The following EXT1 variants were observed in gnomAD, a reference collection of about 807,000 sequenced individuals.
EXT1 encodes exostosin-1.
Under a neutral mutation model 82.5 loss-of-function variants are expected in EXT1, and 20 were observed. The observed-to-expected ratio is 0.24, with a 90% CI of 0.17 to 0.35. EXT1 has a LOEUF of 0.35. EXT1 is among the 10% of genes least tolerant of loss of function. The pLI, the probability that EXT1 is intolerant of heterozygous loss-of-function variation, is 1.00. For missense variants in EXT1, 757 were observed against 936.5 expected, an observed-to-expected ratio of 0.81 and a Z score of 2.50; for synonymous variants, 348 against 350.8, an observed-to-expected ratio of 0.99 and a Z score of 0.09.
chr8:117,959,940 A>G (rs59628055), intron 1 of EXT1, among the ~76,000 whole-genome samples: 9,317 of 152,284 alleles, frequency 0.061, 639 homozygotes, highest in African/African-American at 0.17. Flanking sequence ...CAGGCCGGTC[A>G]TGGTTGCTCA....
chr8:118,032,156 G>A (rs73325947), intron 1 of EXT1, among the ~76,000 whole-genome samples: 63,385 of 143,368 alleles, frequency 0.44, 14,230 homozygotes, highest in Middle Eastern at 0.54. Context: ...CTTTTGCACC[G>A]ACCTAATAAA....
At chr8:118,064,821 T>G (rs932084177) in intron 1 of EXT1, among the ~76,000 whole-genome samples, 1 of 151,870 alleles carries the variant, frequency 6.6e-6, no homozygotes, top group Admixed American at 6.6e-5. Flanking sequence ...CGTATTTCTC[T>G]ACATCTTCTT....
At chr8:117,858,555 G>A (rs1397214596) in intron 1 of EXT1, among the ~76,000 whole-genome samples, 3 of 151,996 alleles carry the variant, frequency 2.0e-5, no homozygotes, top group Non-Finnish European at 2.9e-5. Context: ...GCCTATGCCT[G>A]TAGTTCCAGC....
At chr8:117,871,648 C>T (rs1469649597) in intron 1 of EXT1, among the ~76,000 whole-genome samples, 1 of 152,096 alleles carries the variant, frequency 6.6e-6, no homozygotes, top group Non-Finnish European at 1.5e-5. Flanking sequence ...CACTTCTATT[C>T]CCTAATGAGA....
chr8:118,033,445 G>A (rs1364578216), intron 1 of EXT1, among the ~76,000 whole-genome samples: 1 of 152,128 alleles, frequency 6.6e-6, no homozygotes, highest in Non-Finnish European at 1.5e-5. Context: ...AGGACTCTAA[G>A]TAACTATTCC....
intron 1 of EXT1, among the ~76,000 whole-genome samples, chr8:118,015,805 C>T (rs1327955064): frequency 6.6e-6 from 1 of 152,114 alleles, no homozygotes; most frequent in East Asian, 1.9e-4. Context: ...GTGGGGAGGG[C>T]CCTTAATCCA....
At chr8:117,941,576 G>T (rs1474591233) in intron 1 of EXT1, among the ~76,000 whole-genome samples, 1 of 151,952 alleles carries the variant, frequency 6.6e-6, no homozygotes, top group Non-Finnish European at 1.5e-5. Flanking sequence ...GCCACACACA[G>T]CGCAGAAAGG....
intron 1 of EXT1, among the ~76,000 whole-genome samples, chr8:117,964,714 T>C (rs1814772374): frequency 6.6e-6 from 1 of 152,176 alleles, no homozygotes; most frequent in Non-Finnish European, 1.5e-5. Flanking sequence ...CTCAGCTCAC[T>C]GCAACCTCTG....
At chr8:118,083,213 G>T (rs1817361210) in intron 1 of EXT1, among the ~76,000 whole-genome samples, 1 of 152,170 alleles carries the variant, frequency 6.6e-6, no homozygotes, top group African/African-American at 2.4e-5. Flanking sequence ...AACCAAATTT[G>T]AAGTTTAGAC....
At chr8:117,894,607 C>T (rs181833051) in intron 1 of EXT1, among the ~76,000 whole-genome samples, 13 of 152,216 alleles carry the variant, frequency 8.5e-5, no homozygotes, top group African/African-American at 1.9e-4. Flanking sequence ...TTAAGTAACC[C>T]GGGAGAGATA....
At chr8:117,979,302 C>T (rs1337415951) in intron 1 of EXT1, among the ~76,000 whole-genome samples, 2 of 151,350 alleles carry the variant, frequency 1.3e-5, no homozygotes, top group African/African-American at 2.4e-5. Context: ...TGCACTGAGC[C>T]GAGATTGCAC....
intron 1 of EXT1, among the ~76,000 whole-genome samples, chr8:117,886,399 C>T (rs1219965239): frequency 3.9e-5 from 6 of 152,166 alleles, no homozygotes; most frequent in Admixed American, 3.3e-4. Context: ...TACTACTACA[C>T]AAGTGGCATG....
intron 1 of EXT1, among the ~76,000 whole-genome samples, chr8:117,937,736 C>T (rs925265310): frequency 2.0e-5 from 3 of 152,222 alleles, no homozygotes; most frequent in Admixed American, 2.0e-4. Flanking sequence ...CTCTTATGCA[C>T]TACATGCCAG....
chr8:117,816,071 T>C (rs1224812777), intron 7 of EXT1, among the ~76,000 whole-genome samples: 1 of 151,806 alleles, frequency 6.6e-6, no homozygotes, highest in Non-Finnish European at 1.5e-5. Context: ...TAAAACACAA[T>C]AATAGTTAAG....
chr8:117,864,808 T>C (rs1261539179), intron 1 of EXT1, among the ~76,000 whole-genome samples: 1 of 151,154 alleles, frequency 6.6e-6, no homozygotes, highest in Non-Finnish European at 1.5e-5. Context: ...AGGAAAGTTA[T>C]GAATTTGTGT....
At chr8:117,909,408 A>T (rs1299006862) in intron 1 of EXT1, among the ~76,000 whole-genome samples, 1 of 152,234 alleles carries the variant, frequency 6.6e-6, no homozygotes, top group Non-Finnish European at 1.5e-5. Flanking sequence ...GAGAACCAAC[A>T]TCTTTTAAAA....
At chr8:118,048,585 G>T (rs1270457156) in intron 1 of EXT1, among the ~76,000 whole-genome samples, 1 of 152,102 alleles carries the variant, frequency 6.6e-6, no homozygotes, top group Non-Finnish European at 1.5e-5. Flanking sequence ...CAACATTCCA[G>T]AAACCTATTT....
chr8:117,971,680 C>T (rs536276352), intron 1 of EXT1, among the ~76,000 whole-genome samples: 29 of 152,206 alleles, frequency 1.9e-4, no homozygotes, highest in African/African-American at 7.0e-4. Context: ...TGCTCAGCAC[C>T]CCTGCTCTCC....
At chr8:117,998,731 G>A (rs966791524) in intron 1 of EXT1, among the ~76,000 whole-genome samples, 4 of 152,154 alleles carry the variant, frequency 2.6e-5, no homozygotes, top group African/African-American at 9.7e-5. Context: ...TACAGGCAAG[G>A]CTGCTGGGCA....
Sources: gnomAD v4.1 joint callset for allele counts (sites outside exome capture counted in the v4.1 genomes callset) on GRCh38, gnomAD v4.1.1 for gene constraint, MANE v1.5 for transcripts, NCBI Gene and HGNC (gene_info 2026-07-23, HGNC 2026-07-21) for gene names.